Variants in PPM1E observed in about 807,000 individuals in gnomAD.
PPM1E encodes the protein protein phosphatase 1E.
PPM1E carries 20 observed loss-of-function variants against 65.9 expected under a neutral mutation model. The observed-to-expected ratio is 0.30, with a 90% CI of 0.21 to 0.44. The LOEUF is 0.44. Among genes scored for constraint, PPM1E ranks in the 20% least tolerant of loss-of-function variants. The probability of loss-of-function intolerance (pLI) is 1.00; values close to 1 mark genes in which losing one functional copy is unlikely to be tolerated. For missense variants in PPM1E, 713 were observed against 953.1 expected (o/e 0.75, Z 3.32); for synonymous variants, 352 against 374.9 (o/e 0.94, Z 0.70).
intron 1 of PPM1E, among the ~76,000 whole-genome samples, chr17:58,816,518 C>T (rs938970892): frequency 2.0e-5 from 3 of 151,294 alleles, no homozygotes; most frequent in African/African-American, 7.3e-5. Flanking sequence ...CCAAATCAGA[C>T]TTCATACCCA....
At chr17:58,946,692 C>G (rs2052156456) in intron 1 of PPM1E, among the ~76,000 whole-genome samples, 1 of 151,994 alleles carries the variant, frequency 6.6e-6, no homozygotes, top group Admixed American at 6.6e-5. Flanking sequence ...CTGGCCCCAA[C>G]CTTACCCCCT....
At chr17:58,821,510 C>T (rs998916235) in intron 1 of PPM1E, among the ~76,000 whole-genome samples, 10 of 152,058 alleles carry the variant, frequency 6.6e-5, no homozygotes, top group Admixed American at 1.3e-4. Context: ...ATTCAAGCCC[C>T]TTTTCCAATA....
chr17:58,794,170 C>T (rs986794408), intron 1 of PPM1E, among the ~76,000 whole-genome samples: 1 of 152,154 alleles, frequency 6.6e-6, no homozygotes. Context: ...GGTATAAACT[C>T]CTGACTTCAG....
intron 1 of PPM1E, among the ~76,000 whole-genome samples, chr17:58,789,231 C>G (rs1188917903): frequency 6.6e-6 from 1 of 152,184 alleles, no homozygotes; most frequent in Non-Finnish European, 1.5e-5. Flanking sequence ...AAACATTTTA[C>G]TTTTCATTTC....
intron 6 of PPM1E, among the ~76,000 whole-genome samples, chr17:58,973,920 C>A (rs1014068341): frequency 1.4e-5 from 2 of 143,946 alleles, no homozygotes; most frequent in Non-Finnish European, 3.0e-5. Context: ...CCACTGCGCT[C>A]CAGGCTGGGC....
At chr17:58,801,218 ATATTGT>A (rs1829401820) in intron 1 of PPM1E, among the ~76,000 whole-genome samples, 2 of 152,072 alleles carry the variant, frequency 1.3e-5, no homozygotes, top group Non-Finnish European at 2.9e-5. Flanking sequence ...GTTTTCATTG[ATATTGT>A]TAAGTGAGAG....
intron 1 of PPM1E, among the ~76,000 whole-genome samples, chr17:58,764,111 T>C (rs1270911112): frequency 6.6e-6 from 1 of 151,874 alleles, no homozygotes; most frequent in Non-Finnish European, 1.5e-5. Context: ...TAAGATATTA[T>C]TAATAAAATA....
At chr17:58,878,231 A>G (rs554498668) in intron 1 of PPM1E, among the ~76,000 whole-genome samples, 3 of 152,186 alleles carry the variant, frequency 2.0e-5, no homozygotes, top group Non-Finnish European at 4.4e-5. Flanking sequence ...TATAGAGTAG[A>G]TGATCTTTTT....
intron 1 of PPM1E, among the ~76,000 whole-genome samples, chr17:58,838,430 C>A (rs568246991): frequency 1.3e-5 from 2 of 152,136 alleles, no homozygotes; most frequent in African/African-American, 4.8e-5. Flanking sequence ...ACTAAAAAGA[C>A]GCTCATCATT....
At chr17:58,883,375 G>C (rs907063511) in intron 1 of PPM1E, among the ~76,000 whole-genome samples, 1 of 151,450 alleles carries the variant, frequency 6.6e-6, no homozygotes, top group African/African-American at 2.4e-5. Context: ...TTCTTCTGCT[G>C]GCATAGTTTC....
chr17:58,833,535 C>T (rs567556593), intron 1 of PPM1E, among the ~76,000 whole-genome samples: 7 of 151,776 alleles, frequency 4.6e-5, no homozygotes, highest in South Asian at 2.1e-4. Context: ...CAGTTGCACC[C>T]GTGTTGCTGC....
intron 1 of PPM1E, among the ~76,000 whole-genome samples, chr17:58,873,476 G>A (rs1233310585): frequency 6.6e-6 from 1 of 151,940 alleles, no homozygotes; most frequent in Admixed American, 6.6e-5. Flanking sequence ...AGTTGGTTCA[G>A]ATGGTGTAGC....
chr17:58,928,876 G>C (rs1328674135), intron 1 of PPM1E, among the ~76,000 whole-genome samples: 2 of 151,870 alleles, frequency 1.3e-5, no homozygotes, highest in African/African-American at 4.8e-5. Flanking sequence ...CTAATATTTT[G>C]TATTTTTAGT....
chr17:58,901,107 T>C (rs1311754080), intron 1 of PPM1E, among the ~76,000 whole-genome samples: 1 of 152,230 alleles, frequency 6.6e-6, no homozygotes. Flanking sequence ...CATGATGCTT[T>C]ACACTTTGGG....
Position 58,787,071 on chromosome 17 carries a change from G to C in PPM1E, c.464+30610G>C, listed in dbSNP as rs561260504. On this transcript the variant is annotated intron_variant, in intron 1 of 6. Transcript: ENST00000308249. ...ACAATAGCAGCTGATGCGGACCTCT[G>C]GCTGTGGGTCAGGCAATGTGCCAAA... Among the ~76,000 whole-genome samples, 7 of 152,308 alleles carry C rather than the reference G, an allele frequency of 4.6e-5. No individual in the cohort carries two copies. The East Asian group carries it at 1.3e-3, about 29-fold the overall frequency.
intron 1 of PPM1E, among the ~76,000 whole-genome samples, chr17:58,834,245 G>A (rs898278677): frequency 2.0e-5 from 3 of 152,002 alleles, no homozygotes; most frequent in Non-Finnish European, 4.4e-5. Context: ...TAATTGGACT[G>A]CTTACTTATT....
intron 2 of PPM1E, among the ~76,000 whole-genome samples, chr17:58,956,915 C>G (rs529088981): frequency 4.2e-4 from 64 of 152,138 alleles, no homozygotes; most frequent in Non-Finnish European, 7.1e-4. Flanking sequence ...CTTCCTTTAT[C>G]TCTGTAGATT....
chr17:58,913,588 C>T (rs1465580385), intron 1 of PPM1E, among the ~76,000 whole-genome samples: 2 of 152,064 alleles, frequency 1.3e-5, no homozygotes, highest in African/African-American at 4.8e-5. Flanking sequence ...AAGTCACTCC[C>T]CCTGAAAAAT....
intron 2 of PPM1E, among the ~76,000 whole-genome samples, chr17:58,959,381 C>T (rs539767385): frequency 6.7e-6 from 1 of 150,042 alleles, no homozygotes; most frequent in African/African-American, 2.5e-5. Flanking sequence ...GGGCGGATAC[C>T]GAGGTCAGGA....
Sources: gnomAD v4.1 joint callset for allele counts (sites outside exome capture counted in the v4.1 genomes callset) on GRCh38, gnomAD v4.1.1 for gene constraint, MANE v1.5 for transcripts, NCBI Gene and HGNC (gene_info 2026-07-23, HGNC 2026-07-21) for gene names.